Variants in KCND2 observed in about 807,000 individuals in gnomAD.
KCND2 encodes potassium voltage-gated channel subfamily D member 2, also known as A-type voltage-gated potassium channel KCND2.
Under a neutral mutation model 54.4 loss-of-function variants are expected in KCND2, and 16 were observed. That is an observed-to-expected ratio of 0.29 (90% CI 0.20 to 0.45). The LOEUF (loss-of-function observed/expected upper bound fraction) is 0.45, where lower values mean the gene tolerates loss of function less well. Among genes scored for constraint, KCND2 ranks in the 20% least tolerant of loss-of-function variants. The probability of loss-of-function intolerance (pLI) is 1.00; values close to 1 mark genes in which losing one functional copy is unlikely to be tolerated. For missense variants in KCND2, 486 were observed against 824.2 expected (o/e 0.59, Z 5.02); for synonymous variants, 317 against 310.7 (o/e 1.02, Z -0.21).
At chr7:120,583,755 C>A in intron 1 of KCND2, among the ~76,000 whole-genome samples, 1 of 139,612 alleles carries the variant, frequency 7.2e-6, no homozygotes, top group South Asian at 2.3e-4. Flanking sequence ...TTCTGAGATA[C>A]AGGGGTTAGG....
chr7:120,652,275 C>T (rs1261967592), intron 1 of KCND2, among the ~76,000 whole-genome samples: 1 of 152,102 alleles, frequency 6.6e-6, no homozygotes, highest in African/African-American at 2.4e-5. Flanking sequence ...GGAGTTTCAC[C>T]ATGTTGGCCA....
At chr7:120,502,909 T>A (rs1420097798) in intron 1 of KCND2, among the ~76,000 whole-genome samples, 3 of 152,088 alleles carry the variant, frequency 2.0e-5, no homozygotes, top group Non-Finnish European at 4.4e-5. Flanking sequence ...CACAATTCTG[T>A]CCAGGAAATA....
intron 1 of KCND2, among the ~76,000 whole-genome samples, chr7:120,479,473 T>C (rs1802572640): frequency 6.6e-6 from 1 of 151,912 alleles, no homozygotes. Context: ...TTATAAAATT[T>C]CAGCTTTCTT....
chr7:120,626,242 TA>T (rs2116508101), intron 1 of KCND2, among the ~76,000 whole-genome samples: 1 of 152,300 alleles, frequency 6.6e-6, no homozygotes, highest in African/African-American at 2.4e-5. Context: ...GTTAATGTTC[TA>T]GATATAAAAT....
At chr7:120,479,416 TTA>T (rs913000152) in intron 1 of KCND2, among the ~76,000 whole-genome samples, 5 of 151,430 alleles carry the variant, frequency 3.3e-5, no homozygotes, top group Admixed American at 6.6e-5. Flanking sequence ...ATTAAAATAT[TTA>T]TATATATATA....
intron 1 of KCND2, among the ~76,000 whole-genome samples, chr7:120,465,121 A>G (rs1802348667): frequency 6.6e-6 from 1 of 152,168 alleles, no homozygotes. Flanking sequence ...GGTAGGTAGG[A>G]TTGAACCCCA....
Position 120,749,927 on chromosome 7 carries a change from A to G in KCND2, c.*2069A>G, listed in dbSNP as rs1168610838. 1 of 151,952 alleles carries G rather than the reference A, an allele frequency of 6.6e-6. No individual in the cohort carries two copies. Among genetic ancestry groups the G allele is most frequent in the East Asian group, 1.9e-4 (1 of 5,202 alleles). The allele number at this position is 151,952 out of a possible 1,614,324, so 9.4% of individuals were successfully genotyped here. On this transcript the variant is annotated 3_prime_UTR_variant, in exon 6 of 6. Coordinates refer to ENST00000331113, the MANE Select transcript of KCND2 (RefSeq NM_012281.3). ...GAATTACTATGTCTTTTGATTCCCA[A>G]TGAGAAGTTCTATTTTCATGTTCTT... is the stretch of plus-strand genomic sequence containing the variant.
At chr7:120,639,196 A>C in intron 1 of KCND2, among the ~76,000 whole-genome samples, 1 of 152,176 alleles carries the variant, frequency 6.6e-6, no homozygotes, top group Non-Finnish European at 1.5e-5. Flanking sequence ...TGGCAGTAGA[A>C]GATAGAAAAT....
At chr7:120,508,891 ATTTT>A (rs57245091) in intron 1 of KCND2, among the ~76,000 whole-genome samples, 52 of 138,250 alleles carry the variant, frequency 3.8e-4, no homozygotes, top group African/African-American at 1.1e-3. Context: ...GCCTTTCACG[ATTTT>A]TTTTTTTTTT....
chr7:120,527,269 T>C (rs1791788399), intron 1 of KCND2, among the ~76,000 whole-genome samples: 1 of 152,142 alleles, frequency 6.6e-6, no homozygotes, highest in South Asian at 2.1e-4. Context: ...AAGCTAAGTA[T>C]AGTGGTCATT....
chr7:120,596,509 G>C (rs1244541466), intron 1 of KCND2, among the ~76,000 whole-genome samples: 1 of 152,084 alleles, frequency 6.6e-6, no homozygotes, highest in Admixed American at 6.6e-5. Flanking sequence ...AAAGGAAGGG[G>C]ACATAGAAAG....
chr7:120,696,153 C>G (rs764822541), intron 1 of KCND2, among the ~76,000 whole-genome samples: 1 of 152,190 alleles, frequency 6.6e-6, no homozygotes, highest in Non-Finnish European at 1.5e-5. Context: ...GCTGGTTTTA[C>G]TTTTCTTGGA....
At chr7:120,630,245 G>A (rs959316502) in intron 1 of KCND2, among the ~76,000 whole-genome samples, 4 of 152,152 alleles carry the variant, frequency 2.6e-5, no homozygotes, top group Non-Finnish European at 4.4e-5. Flanking sequence ...TCACTCTTTG[G>A]TGAGTAAAAA....
intron 1 of KCND2, among the ~76,000 whole-genome samples, chr7:120,730,954 C>T (rs749950539): frequency 2.6e-5 from 4 of 152,188 alleles, no homozygotes; most frequent in African/African-American, 9.7e-5. Flanking sequence ...TTCCTTTGAT[C>T]CCTGTCTCTC....
At chr7:120,588,143 T>A (rs1792623363) in intron 1 of KCND2, among the ~76,000 whole-genome samples, 1 of 152,222 alleles carries the variant, frequency 6.6e-6, no homozygotes, top group Non-Finnish European at 1.5e-5. Flanking sequence ...TTCTGTGGTA[T>A]TTATGTAATA....
chr7:120,634,005 T>C (rs1375662631), intron 1 of KCND2, among the ~76,000 whole-genome samples: 1 of 152,230 alleles, frequency 6.6e-6, no homozygotes, highest in Admixed American at 6.5e-5. Context: ...ATAGAAGATA[T>C]GGTCATAAAG....
intron 1 of KCND2, among the ~76,000 whole-genome samples, chr7:120,563,447 C>G (rs1294051025): frequency 6.6e-6 from 1 of 152,156 alleles, no homozygotes; most frequent in African/African-American, 2.4e-5. Context: ...TAGCTATCAT[C>G]TAGATTTGAG....
chr7:120,384,202 G>GT (rs148836586), intron 1 of KCND2, among the ~76,000 whole-genome samples: 19 of 151,568 alleles, frequency 1.3e-4, no homozygotes. Flanking sequence ...TATTTTCATT[G>GT]TTTTTTTCCC....
At chr7:120,645,276 AT>A (rs1793425287) in intron 1 of KCND2, among the ~76,000 whole-genome samples, 1 of 152,144 alleles carries the variant, frequency 6.6e-6, no homozygotes, top group African/African-American at 2.4e-5. Context: ...GTCTTGTGGC[AT>A]GTTAATATAG....
Sources: allele counts gnomAD v4.1 joint callset (sites outside exome capture counted in the v4.1 genomes callset), GRCh38; gene constraint gnomAD v4.1.1; transcripts MANE v1.5; gene names NCBI Gene and HGNC (gene_info 2026-07-23, HGNC 2026-07-21).